The following GIN1 variants were observed in gnomAD, a reference collection of about 807,000 sequenced individuals.
The protein encoded by GIN1 is gypsy retrotransposon integrase 1, also known as gypsy retrotransposon integrase-like protein 1.
In GIN1, 41 loss-of-function variants were observed where a neutral mutation model predicts 51.4. The ratio of observed to expected loss-of-function variants is 0.80; its 90% confidence interval spans 0.62 to 1.04. GIN1 has a LOEUF of 1.04. GIN1 is among the 50% of genes least tolerant of loss of function. The pLI, the probability that GIN1 is intolerant of heterozygous loss-of-function variation, is 0.00. For synonymous variants in GIN1, 222 were observed against 206.5 expected (o/e 1.07, Z -0.64); for missense variants, 610 against 612.4 (o/e 1.00, Z 0.04).
chr5:103,118,598 G>A (rs1405065165), intron 1 of GIN1, among the ~76,000 whole-genome samples: 2 of 152,132 alleles, frequency 1.3e-5, no homozygotes, highest in Non-Finnish European at 1.5e-5. Flanking sequence ...ACAAACTGCT[G>A]GTTCTGGAGG....
intron 4 of GIN1, among the ~76,000 whole-genome samples, chr5:103,102,051 T>C (rs1157057214): frequency 7.9e-5 from 12 of 152,208 alleles, no homozygotes; most frequent in African/African-American, 1.9e-4. Flanking sequence ...TGCAGCCAAA[T>C]TTAATGTTTT....
Position 103,106,820 on chromosome 5 carries a change from A to G in GIN1, c.229T>C (p.Cys77Arg), listed in dbSNP as rs1787738916. Reference sequence around the variant, plus strand: ...TGAGCTCCACTGTCATTTTCATGGCATTCTCTTAAGACTTTCTTTTTTTCC... The same window carrying G: ...TGAGCTCCACTGTCATTTTCATGGCGTTCTCTTAAGACTTTCTTTTTTTCC... ...EEEKKKVLRE[C>R]HENDSGAHHG... The change falls in exon 3 of 8, where the codon TGC becomes CGC. Residue 77 changes from cysteine to arginine, a missense_variant. By Grantham distance (180) the Cys-to-Arg change is radical. Transcript: ENST00000399004. The G allele has an allele frequency of 6.2e-7, 1 of 1,603,854 alleles. No individual in the cohort carries two copies. The highest frequency in any genetic ancestry group is 1.3e-5 in the African/African-American group (1 of 74,588).
intron 4 of GIN1, among the ~76,000 whole-genome samples, chr5:103,099,329 A>G (rs1787503009): frequency 6.6e-6 from 1 of 152,040 alleles, no homozygotes; most frequent in African/African-American, 2.4e-5. Flanking sequence ...TGTGAATACA[A>G]TAGGAGTGAC....
At chr5:103,096,169 C>G (rs1027606711) in intron 7 of GIN1, among the ~76,000 whole-genome samples, 1 of 151,580 alleles carries the variant, frequency 6.6e-6, no homozygotes, top group African/African-American at 2.4e-5. Flanking sequence ...TGGTGAAACC[C>G]CGTTTCTACT....
rs560212209 is a variant in GIN1, at chr5:103,099,600, T to C, written c.640-1819A>G. 3.9e-5 allele frequency among the ~76,000 whole-genome samples: 6 copies of C among 152,276 alleles called. No homozygotes were observed. The South Asian group carries it at 1.2e-3, about 32-fold the overall frequency. Reference sequence around the variant, plus strand: ...GCTTTAACTTCTTTGTTTCAAAAGCTTGCCTAGGAATGATCCAGGGAATCC... The same window carrying C: ...GCTTTAACTTCTTTGTTTCAAAAGCCTGCCTAGGAATGATCCAGGGAATCC... On this transcript the variant is annotated intron_variant, in intron 4 of 7. Transcript: ENST00000399004.
chr5:103,096,184 A>C (rs1787386894), intron 7 of GIN1, among the ~76,000 whole-genome samples: 1 of 151,814 alleles, frequency 6.6e-6, no homozygotes, highest in South Asian at 2.1e-4. Context: ...TCTACTAAAA[A>C]TACAAAAAAT....
At chr5:103,113,521 CTTTTTTTT>C (rs368036001) in intron 1 of GIN1, among the ~76,000 whole-genome samples, 1 of 132,546 alleles carries the variant, frequency 7.5e-6, no homozygotes, top group Non-Finnish European at 1.6e-5. Context: ...AGTTCCACCT[CTTTTTTTT>C]TTTTTTTTTT....
At chr5:103,092,887 A>G (rs1787286403) in intron 7 of GIN1, among the ~76,000 whole-genome samples, 1 of 131,176 alleles carries the variant, frequency 7.6e-6, no homozygotes, top group Non-Finnish European at 1.6e-5. Flanking sequence ...TCAAGGCTGC[A>G]GTGAGCTATT....
At chr5:103,092,074 A>G (rs752487816) in intron 7 of GIN1, among the ~76,000 whole-genome samples, 8 of 151,844 alleles carry the variant, frequency 5.3e-5, no homozygotes, top group Non-Finnish European at 1.2e-4. Context: ...GCTGGAGTGC[A>G]GCGGTGCAAT....
intron 1 of GIN1, among the ~76,000 whole-genome samples, chr5:103,115,738 T>C (rs1437405967): frequency 6.6e-6 from 1 of 152,056 alleles, no homozygotes; most frequent in East Asian, 1.9e-4. Flanking sequence ...AACAAGATTG[T>C]TTTGCTTTCG....
At chr5:103,091,351 C>A (rs1787232309) in intron 7 of GIN1, among the ~76,000 whole-genome samples, 1 of 152,042 alleles carries the variant, frequency 6.6e-6, no homozygotes, top group African/African-American at 2.4e-5. Context: ...ATCTATTGGA[C>A]AACACTAATC....
chr5:103,088,086 T>A lies in GIN1; in HGVS notation c.1381A>T (p.Asn461Tyr). Residue 461 changes from asparagine (N) to tyrosine (Y), a missense_variant, in exon 8 of 8, where the codon AAT (asparagine) becomes TAT (tyrosine). Coordinates refer to ENST00000399004, the MANE Select transcript of GIN1 (RefSeq NM_017676.2). The stretch of plus-strand genomic sequence containing the variant: ...ATAGTTGCATCTTCCACCAGAATAT[T>A]TGCTTGATATGCTCCAATCGGAATT... ...PEIPIGAYQANILVEDATIGI... is the reference protein window; with the variant it reads ...PEIPIGAYQAYILVEDATIGI... 1 of 1,609,692 alleles carries A rather than the reference T, an allele frequency of 6.2e-7. No individual in the cohort carries two copies. Among genetic ancestry groups the A allele is most frequent in the South Asian group, 1.1e-5 (1 of 90,952 alleles).
At position 103,108,721 on chromosome 5, in the gene GIN1, A is replaced by G. The variant is rs782101490; in HGVS notation, c.-7-7T>C. 6.4e-7 allele frequency: 1 copy of G among 1,567,638 alleles called. No homozygotes were observed. Among genetic ancestry groups the G allele is most frequent in the South Asian group, 1.2e-5 (1 of 85,152 alleles). Reference sequence around the variant, plus strand: ...ACTACGGACCATTGTGAACCTAGGTAAAAGGTATTTAAAAAGATAACTTAA... The same window carrying G: ...ACTACGGACCATTGTGAACCTAGGTGAAAGGTATTTAAAAAGATAACTTAA... On this transcript the variant is annotated splice_polypyrimidine_tract_variant and splice_region_variant and intron_variant, in intron 1 of 7. Transcript: ENST00000399004.
At chr5:103,097,098 T>A (rs2151465499) in intron 6 of GIN1, among the ~76,000 whole-genome samples, 1 of 152,326 alleles carries the variant, frequency 6.6e-6, no homozygotes, top group Middle Eastern at 3.4e-3. Flanking sequence ...CTCTACTTGA[T>A]TCCAAAATCC....
chr5:103,118,276 T>C (rs1390693579), intron 1 of GIN1, among the ~76,000 whole-genome samples: 1 of 152,162 alleles, frequency 6.6e-6, no homozygotes, highest in East Asian at 1.9e-4. Context: ...TATCTATGTT[T>C]GGAAAAGGAC....
At chr5:103,097,985 C>T (rs1418158782) in intron 4 of GIN1, among the ~76,000 whole-genome samples, 1 of 152,090 alleles carries the variant, frequency 6.6e-6, no homozygotes, top group African/African-American at 2.4e-5. Context: ...CAGGTTCAAG[C>T]AATTCTTCTG....
intron 1 of GIN1, among the ~76,000 whole-genome samples, chr5:103,114,474 A>G (rs113229216): frequency 2.0e-5 from 3 of 152,350 alleles, no homozygotes; most frequent in African/African-American, 7.2e-5. Context: ...GAGAAAGATG[A>G]CAATATTAAG....
In GIN1 at chr5:103,086,620, G is replaced by A. The variant is rs1467343129; in HGVS notation, c.*1278C>T. 1 of 152,160 alleles carries A rather than the reference G, an allele frequency of 6.6e-6. No homozygotes were observed. The highest frequency in any genetic ancestry group is 1.5e-5 in the Non-Finnish European group (1 of 68,022). 9.4% of individuals were successfully genotyped at this position (152,160 alleles called of 1,614,324 possible). ...ACATTCTTCAAGGTCAAGCTTAAAT[G>A]ATCCTTCTTCCATAAGGATAAACAC... On this transcript the variant is annotated 3_prime_UTR_variant, in exon 8 of 8. Transcript: ENST00000399004.
chr5:103,092,932 T>C, intron 7 of GIN1, among the ~76,000 whole-genome samples: 1 of 60,952 alleles, frequency 1.6e-5, no homozygotes, highest in East Asian at 4.7e-4. Context: ...GGCAACCATG[T>C]AAGAACCTGT....
Sources: allele counts gnomAD v4.1 joint callset (sites outside exome capture counted in the v4.1 genomes callset), GRCh38; gene constraint gnomAD v4.1.1; transcripts MANE v1.5; gene names NCBI Gene and HGNC (gene_info 2026-07-23, HGNC 2026-07-21).